The following POLN variants were observed in gnomAD, a reference collection of about 807,000 sequenced individuals.
The protein encoded by POLN is DNA polymerase N.
A neutral mutation model predicts 113.5 loss-of-function variants in POLN; 108 were observed. That is an observed-to-expected ratio of 0.95 (90% CI 0.81 to 1.12). The LOEUF (loss-of-function observed/expected upper bound fraction) is 1.12. Among genes scored for constraint, POLN ranks in the 50% most tolerant of loss-of-function variants. The probability of loss-of-function intolerance (pLI) is 0.00; values close to 1 mark genes in which losing one functional copy is unlikely to be tolerated. For missense variants in POLN, 1,097 were observed against 1,077.1 expected (o/e 1.02, Z -0.26); for synonymous variants, 386 against 391.5 (o/e 0.99, Z 0.17).
At chr4:2,231,809 TTCA>T in intron 2 of POLN, 2 of 606,610 alleles carry the variant, frequency 3.3e-6, no homozygotes. Flanking sequence ...AATAGTTCAA[TTCA>T]TCAAATTAAA....
At chr4:2,105,209 G>A (rs567386430) in intron 19 of POLN, among the ~76,000 whole-genome samples, 5 of 152,234 alleles carry the variant, frequency 3.3e-5, no homozygotes, top group East Asian at 3.9e-4. Flanking sequence ...GGACTCCCAC[G>A]TCTAGTCCAT....
intron 20 of POLN, among the ~76,000 whole-genome samples, chr4:2,094,616 G>A (rs1427466213): frequency 6.6e-6 from 1 of 152,174 alleles, no homozygotes; most frequent in Non-Finnish European, 1.5e-5. Context: ...GGGGAGAGTT[G>A]AGCACAGGTC....
chr4:2,209,643 T>C (rs1273562580), intron 4 of POLN, among the ~76,000 whole-genome samples: 6 of 150,152 alleles, frequency 4.0e-5, no homozygotes, highest in Non-Finnish European at 7.4e-5. Context: ...ATTTTTAAGG[T>C]TTCTTTCCTT....
chr4:2,140,920 G>A (rs1245795911), intron 16 of POLN: 2 of 152,350 alleles, frequency 1.3e-5, no homozygotes, highest in African/African-American at 4.8e-5. Flanking sequence ...GACACAGGGA[G>A]ACACTTGCCA....
intron 3 of POLN, among the ~76,000 whole-genome samples, chr4:2,220,081 A>G (rs61792597): frequency 0.082 from 12,494 of 152,004 alleles, 842 homozygotes; most frequent in African/African-American, 0.17. Flanking sequence ...AGTTATCAAC[A>G]TACTGTCTCC....
chr4:2,093,286 C>T lies in POLN; in HGVS notation c.2065+2565G>A, dbSNP rs998591342. 3.9e-5 allele frequency among the ~76,000 whole-genome samples: 6 copies of T among 152,272 alleles called. No homozygotes were observed. The highest frequency in any genetic ancestry group is 2.1e-4 in the South Asian group (1 of 4,830). Reference sequence around the variant, plus strand: ...TGGCTGCCCCCACTGGGGACAAGGCCGGGGCTGCCACAGGAGACCTACAGA... The same window carrying T: ...TGGCTGCCCCCACTGGGGACAAGGCTGGGGCTGCCACAGGAGACCTACAGA... On this transcript the variant is annotated intron_variant, in intron 20 of 25. Coordinates refer to ENST00000511885, the MANE Select transcript of POLN (RefSeq NM_181808.4). The surrounding 1 kb of genome is among the most constrained non-coding windows in gnomAD (Gnocchi z 4.1).
rs1182412426 is a variant in POLN at position 2,198,622 on chromosome 4, A to G, written c.810T>C (p.Val270=). The change falls in exon 6 of 26, where the codon GTT becomes GTC. Residue 270 remains valine, a synonymous_variant. Coordinates refer to ENST00000511885, the MANE Select transcript of POLN (RefSeq NM_181808.4). ...GCPDAPACGP[V]LEGFVSDDPC... ...GATCATCTGACACAAAGCCCTCCAG[A>G]ACAGGACCACAGGCCGGGGCATCTG... 2 of 1,613,958 alleles carry G rather than the reference A, an allele frequency of 1.2e-6. No individual in the cohort carries two copies.
chr4:2,087,049 G>A (rs1210894146), intron 20 of POLN, among the ~76,000 whole-genome samples: 1 of 152,204 alleles, frequency 6.6e-6, no homozygotes, highest in Non-Finnish European at 1.5e-5. Flanking sequence ...TCTTAGGAGA[G>A]TGAAAAGGCA....
rs1733913506 is a variant in POLN, at chr4:2,208,468, C to T, written c.233G>A (p.Ser78Asn). 7 of 1,551,370 alleles carry T rather than the reference C, an allele frequency of 4.5e-6. No homozygotes were observed. The East Asian group carries it at 1.6e-4, about 35-fold the overall frequency. Residue 78 changes from serine to asparagine, a missense_variant, in exon 5 of 26, where the codon AGT becomes AAT. Coordinates refer to ENST00000511885, the MANE Select transcript of POLN (RefSeq NM_181808.4). The part of the protein sequence containing the change: ...PEKKDLKSLR[S>N]QTSRGSAKLS... ...CTTGGCAGAACCTCTTGATGTCTGA[C>T]TTCTTAAAGATTTAAGATCCTACAG...
At chr4:2,194,943 T>C (rs1166423433) in intron 6 of POLN, among the ~76,000 whole-genome samples, 2 of 151,728 alleles carry the variant, frequency 1.3e-5, no homozygotes, top group African/African-American at 2.4e-5. Flanking sequence ...CATGCACACA[T>C]ACATATATAT....
At chr4:2,106,012 C>T (rs1274823418) in intron 19 of POLN, among the ~76,000 whole-genome samples, 1 of 152,060 alleles carries the variant, frequency 6.6e-6, no homozygotes, top group Non-Finnish European at 1.5e-5. Context: ...TCACTTCACT[C>T]TTATTGAGCA....
At chr4:2,166,590 G>A (rs1013488967) in intron 13 of POLN, among the ~76,000 whole-genome samples, 8 of 152,170 alleles carry the variant, frequency 5.3e-5, no homozygotes, top group Admixed American at 1.3e-4. Flanking sequence ...GAAGACCTGC[G>A]TCAATGTGGG....
At chr4:2,239,709 A>C (rs1734901131) in intron 2 of POLN, among the ~76,000 whole-genome samples, 1 of 152,232 alleles carries the variant, frequency 6.6e-6, no homozygotes, top group Admixed American at 6.5e-5. Context: ...TAAAGCAATT[A>C]GTTTCTAGCC....
At chr4:2,231,957 T>C in intron 2 of POLN, 1 of 1,426,326 alleles carries the variant, frequency 7.0e-7, no homozygotes, top group Non-Finnish European at 9.7e-7. Context: ...CCTTAATCTT[T>C]GATTGAGTTT....
At chr4:2,235,320 C>T (rs1463639891) in intron 2 of POLN, among the ~76,000 whole-genome samples, 1 of 152,226 alleles carries the variant, frequency 6.6e-6, no homozygotes, top group East Asian at 1.9e-4. Context: ...AAACAAATCA[C>T]AGATACCACT....
At chr4:2,085,022 C>CA (rs770535202) in intron 21 of POLN, among the ~76,000 whole-genome samples, 2 of 152,218 alleles carry the variant, frequency 1.3e-5, no homozygotes, top group Non-Finnish European at 2.9e-5. Context: ...AGTGAGGCGT[C>CA]AGCTTAGCCA....
chr4:2,102,176 G>A (rs928622595), intron 19 of POLN, among the ~76,000 whole-genome samples: 9 of 152,152 alleles, frequency 5.9e-5, no homozygotes, highest in African/African-American at 1.9e-4. Flanking sequence ...GCAGGTGCAT[G>A]CACTTTCCAC....
At chr4:2,128,539 G>A (rs762259534) in intron 18 of POLN, among the ~76,000 whole-genome samples, 7 of 152,314 alleles carry the variant, frequency 4.6e-5, no homozygotes, top group Non-Finnish European at 1.0e-4. Context: ...GCACGGAGGT[G>A]GCAAAGGAGG....
chr4:2,099,125 A>T (rs1236510163), intron 19 of POLN, among the ~76,000 whole-genome samples: 1 of 152,256 alleles, frequency 6.6e-6, no homozygotes, highest in Non-Finnish European at 1.5e-5. Context: ...TAAATGGGGG[A>T]GAACACAGAT....
Sources: allele counts gnomAD v4.1 joint callset (sites outside exome capture counted in the v4.1 genomes callset), GRCh38; gene constraint gnomAD v4.1.1; non-coding constraint Gnocchi (gnomAD v3.1); transcripts MANE v1.5; gene names NCBI Gene and HGNC (gene_info 2026-07-23, HGNC 2026-07-21).